CHRNA7: variants seen among roughly 807,000 people sequenced by gnomAD.
CHRNA7 encodes the protein neuronal acetylcholine receptor subunit alpha-7.
Under a neutral mutation model 48.0 loss-of-function variants are expected in CHRNA7, and 17 were observed. The observed-to-expected ratio is 0.35, with a 90% CI of 0.24 to 0.53. The LOEUF (loss-of-function observed/expected upper bound fraction) is 0.53, where lower values mean the gene tolerates loss of function less well. Ranked by LOEUF, CHRNA7 falls within the 20% of genes least tolerant of loss-of-function variation. The probability of loss-of-function intolerance (pLI) is 0.92; values close to 1 mark genes in which losing one functional copy is unlikely to be tolerated. For missense variants in CHRNA7, 155 were observed against 577.7 expected (o/e 0.27, Z 7.50); for synonymous variants, 75 against 242.3 (o/e 0.31, Z 6.41).
At chr15:32,073,025 C>T (rs1272108774) in intron 2 of CHRNA7, among the ~76,000 whole-genome samples, 1 of 152,214 alleles carries the variant, frequency 6.6e-6, no homozygotes, top group Non-Finnish European at 1.5e-5. Context: ...GGGCAACCAT[C>T]CGCCAGACCC....
intron 2 of CHRNA7, among the ~76,000 whole-genome samples, chr15:32,095,775 T>A (rs1011891280): frequency 5.3e-5 from 8 of 152,246 alleles, no homozygotes; most frequent in African/African-American, 1.9e-4. Flanking sequence ...GCCCATACTT[T>A]GAAAACTTCT....
intron 4 of CHRNA7, among the ~76,000 whole-genome samples, chr15:32,146,181 T>TA (rs2051485845): frequency 6.6e-6 from 1 of 152,226 alleles, no homozygotes. Context: ...AAAAGTCCAT[T>TA]AATATAATTC....
chr15:32,047,345 A>C (rs1468802376), intron 2 of CHRNA7, among the ~76,000 whole-genome samples: 17 of 150,278 alleles, frequency 1.1e-4, no homozygotes, highest in East Asian at 3.9e-4. Flanking sequence ...CTTTTATTTC[A>C]TTGAGCAGTG....
intron 4 of CHRNA7, among the ~76,000 whole-genome samples, chr15:32,114,511 G>A (rs1408040168): frequency 2.0e-5 from 3 of 152,150 alleles, no homozygotes; most frequent in Non-Finnish European, 2.9e-5. Flanking sequence ...CATAGACCAC[G>A]TCCGCCAGGC....
At chr15:32,094,301 C>T (rs1325131891) in intron 2 of CHRNA7, among the ~76,000 whole-genome samples, 1 of 152,152 alleles carries the variant, frequency 6.6e-6, no homozygotes, top group Admixed American at 6.5e-5. Context: ...AACCATGAAC[C>T]CACTGGGAAT....
chr15:32,129,135 T>C (rs2051115530), intron 4 of CHRNA7, among the ~76,000 whole-genome samples: 1 of 151,962 alleles, frequency 6.6e-6, no homozygotes, highest in African/African-American at 2.4e-5. Flanking sequence ...ATTCCTTATA[T>C]ATACTGCTAA....
At chr15:32,135,679 GTAA>G (rs1285648562) in intron 4 of CHRNA7, among the ~76,000 whole-genome samples, 1 of 152,142 alleles carries the variant, frequency 6.6e-6, no homozygotes, top group African/African-American at 2.4e-5. Context: ...AGCTGAGGAT[GTAA>G]TAATATTGAT....
At chr15:32,138,609 A>G (rs796408181) in intron 4 of CHRNA7, among the ~76,000 whole-genome samples, 14 of 152,206 alleles carry the variant, frequency 9.2e-5, no homozygotes, top group African/African-American at 2.9e-4. Context: ...GCACAGATGT[A>G]TAATGACCTG....
At position 32,090,863 on chromosome 15, in the gene CHRNA7, A is replaced by G. The variant is rs560615407; in HGVS notation, c.196-10440A>G. The stretch of plus-strand genomic sequence containing the variant: ...AACCTTTCTTTTATGAAACTATTTT[A>G]TACACACATTGAATCTTTTCATTGT... On this transcript the variant is annotated intron_variant, in intron 2 of 9. Coordinates refer to ENST00000306901, the MANE Select transcript of CHRNA7 (RefSeq NM_000746.6). Among the ~76,000 whole-genome samples, 25 of 152,260 alleles carry G rather than the reference A, an allele frequency of 1.6e-4. No homozygotes were observed. In the East Asian group the frequency reaches 4.6e-3, roughly 28 times the overall value.
Position 32,137,338 on chromosome 15 carries a change from C to CCG in CHRNA7, c.351-16568_351-16567insGC, listed in dbSNP as rs1555386704. ...TGTGAGTGGCTATGTTTACAACACC[C>CCG]CCCCCCCACACAAACACAGTAAGAA... is the stretch of plus-strand genomic sequence containing the variant. On this transcript the variant is annotated intron_variant, in intron 4 of 9. Coordinates refer to ENST00000306901, the MANE Select transcript of CHRNA7 (RefSeq NM_000746.6). 7.8e-5 allele frequency among the ~76,000 whole-genome samples: 4 copies of CCG among 51,360 alleles called. 1 individual carries two copies. Among genetic ancestry groups the CCG allele is most frequent in the Middle Eastern group, 0.021 (2 of 94 alleles). 33.7% of individuals were successfully genotyped at this position (51,360 alleles called of 152,430 possible). A position where few individuals can be genotyped will look rare whatever the true frequency, so the allele number is the denominator to read the frequency against.
chr15:32,040,842 T>C (rs2049435728), intron 2 of CHRNA7, among the ~76,000 whole-genome samples: 1 of 152,100 alleles, frequency 6.6e-6, no homozygotes, highest in African/African-American at 2.4e-5. Context: ...TCTTTTAACA[T>C]TTTTTCAAGG....
At chr15:32,097,615 A>G (rs2050494357) in intron 2 of CHRNA7, among the ~76,000 whole-genome samples, 1 of 152,206 alleles carries the variant, frequency 6.6e-6, no homozygotes, top group African/African-American at 2.4e-5. Flanking sequence ...TACCCAGTGT[A>G]TGATATTTTG....
chr15:32,075,468 C>T (rs932864562), intron 2 of CHRNA7, among the ~76,000 whole-genome samples: 2 of 152,070 alleles, frequency 1.3e-5, no homozygotes, highest in South Asian at 2.1e-4. Flanking sequence ...TCGTCTAAAT[C>T]GTCCAATTTA....
intron 2 of CHRNA7, among the ~76,000 whole-genome samples, chr15:32,094,031 C>T (rs1040676800): frequency 1.3e-4 from 20 of 152,162 alleles, no homozygotes; most frequent in African/African-American, 2.2e-4. Flanking sequence ...TCAGGATCTT[C>T]GGGGTGCTGT....
At position 32,062,927 on chromosome 15, in the gene CHRNA7, A is replaced by G. The variant is rs553690508; in HGVS notation, c.195+31890A>G. 4.6e-5 allele frequency among the ~76,000 whole-genome samples: 7 copies of G among 152,342 alleles called. No individual in the cohort carries two copies. In the South Asian group the frequency reaches 1.2e-3, roughly 27 times the overall value. ...TTATAGCATACTACACACTTAGGCTATATGGTAGAGCCTATTGTTCCTAGG... is the reference window on the plus strand; with the variant it reads ...TTATAGCATACTACACACTTAGGCTGTATGGTAGAGCCTATTGTTCCTAGG... On this transcript the variant is annotated intron_variant, in intron 2 of 9. Transcript: ENST00000306901.
chr15:32,070,669 C>CTTTTTTTTTTT lies in CHRNA7; in HGVS notation c.196-30609_196-30599dup, dbSNP rs71113441. ...TGTGTGAACATGTGAGGTTTAGTTC[C>CTTTTTTTTTTT]TTTTTTTTTTTTTTTTTTTTTTTTT... On this transcript the variant is annotated intron_variant, in intron 2 of 9. Coordinates refer to ENST00000306901, the MANE Select transcript of CHRNA7 (RefSeq NM_000746.6). Among the ~76,000 whole-genome samples, 7 of 40,894 alleles carry CTTTTTTTTTTT rather than the reference C, an allele frequency of 1.7e-4. 2 individuals are homozygous for CTTTTTTTTTTT. Among genetic ancestry groups the CTTTTTTTTTTT allele is most frequent in the African/African-American group, 4.6e-4 (5 of 10,772 alleles). The allele number at this position is 40,894 out of a possible 152,430, so 26.8% of individuals were successfully genotyped here.
chr15:32,053,446 C>G (rs1015752964), intron 2 of CHRNA7, among the ~76,000 whole-genome samples: 1 of 152,188 alleles, frequency 6.6e-6, no homozygotes, highest in South Asian at 2.1e-4. Context: ...TTCCCATGCT[C>G]TTAATTTCAG....
intron 2 of CHRNA7, among the ~76,000 whole-genome samples, chr15:32,073,620 G>A (rs72713565): frequency 0.084 from 12,767 of 152,152 alleles, 712 homozygotes; most frequent in African/African-American, 0.14. Context: ...CAATATTGGA[G>A]GCAGGGGCTG....
intron 2 of CHRNA7, among the ~76,000 whole-genome samples, chr15:32,080,852 A>G (rs763910828): frequency 7.9e-5 from 12 of 152,240 alleles, no homozygotes; most frequent in Non-Finnish European, 1.2e-4. Flanking sequence ...GTGTATGTTC[A>G]TTGTAGCACT....
Sources: allele counts gnomAD v4.1 joint callset (sites outside exome capture counted in the v4.1 genomes callset), GRCh38; gene constraint gnomAD v4.1.1; transcripts MANE v1.5; gene names NCBI Gene and HGNC (gene_info 2026-07-23, HGNC 2026-07-21).